The following TM2D3 variants were observed in gnomAD, a reference collection of about 807,000 sequenced individuals.
The protein encoded by TM2D3 is TM2 domain containing 3, also known as TM2 domain-containing protein 3.
A neutral mutation model predicts 27.3 loss-of-function variants in TM2D3; 33 were observed. The ratio of observed to expected loss-of-function variants is 1.21; its 90% CI spans 0.92 to 1.61. The LOEUF is 1.61. TM2D3 is among the 40% of genes most tolerant of loss of function. The probability of loss-of-function intolerance (pLI) is 0.00; values close to 1 mark genes in which losing one functional copy is unlikely to be tolerated. For missense variants in TM2D3, 364 were observed against 320.8 expected, an observed-to-expected ratio of 1.13 and a Z score of -1.03; for synonymous variants, 138 against 122.2, an observed-to-expected ratio of 1.13 and a Z score of -0.85.
chr15:101,647,560 C>G (rs1479470851), intron 3 of TM2D3, among the ~76,000 whole-genome samples: 1 of 152,212 alleles, frequency 6.6e-6, no homozygotes, highest in Non-Finnish European at 1.5e-5. Context: ...TGAGTGTTCA[C>G]TGGTGGCCAG....
At chr15:101,641,608 AAAGC>A (rs1332665601), downstream of TM2D3, among the ~76,000 whole-genome samples, 1 of 152,248 alleles carries the variant, frequency 6.6e-6, no homozygotes, top group Non-Finnish European at 1.5e-5. Context: ...AAATGTTTCA[AAAGC>A]AAGCTTGAGT....
intron 2 of TM2D3, 78 bp downstream of exon 2, chr15:101,651,618 A>C: frequency 3.6e-6 from 5 of 1,402,962 alleles, no homozygotes; most frequent in Non-Finnish European, 5.0e-6. Flanking sequence ...TCGTATACTA[A>C]AGGGAATTTT....
intron 3 of TM2D3, among the ~76,000 whole-genome samples, chr15:101,648,826 G>A (rs946672311): frequency 6.8e-6 from 1 of 147,272 alleles, no homozygotes; most frequent in African/African-American, 2.6e-5. Flanking sequence ...AATGAGCAAT[G>A]CAGCTAAAAA....
At chr15:101,651,643 G>A in intron 2 of TM2D3, 53 bp downstream of exon 2, 3 of 1,516,582 alleles carry the variant, frequency 2.0e-6, no homozygotes, top group Non-Finnish European at 9.0e-7. Flanking sequence ...AAAACAAAGA[G>A]AAACTACTAG....
chr15:101,652,372 C>T lies in TM2D3; in HGVS notation c.-11G>A. On this transcript the variant is annotated 5_prime_UTR_variant, in exon 1 of 6. Transcript: ENST00000333202. ...CACCCCTCCCGCCATCTTGCCAGCG[C>T]CTGCGCACTTCCGGGCCGGGGGGCG... is the stretch of plus-strand genomic sequence containing the variant. The T allele has an allele frequency of 6.3e-7, 1 of 1,586,856 alleles. No individual in the cohort carries two copies. Among genetic ancestry groups the T allele is most frequent in the Admixed American group, 1.7e-5 (1 of 58,036 alleles).
intron 3 of TM2D3, 88 bp downstream of exon 3, chr15:101,649,916 A>G: frequency 7.9e-7 from 1 of 1,271,100 alleles, no homozygotes; most frequent in Non-Finnish European, 1.1e-6. Flanking sequence ...ATTCTTCAGA[A>G]TTTCTTCCCA....
chr15:101,643,623 G>GAAAAAA (rs1567311253), intron 5 of TM2D3, among the ~76,000 whole-genome samples: 1 of 62,688 alleles, frequency 1.6e-5, no homozygotes, highest in Non-Finnish European at 3.2e-5. Flanking sequence ...AAAAAAAAAA[G>GAAAAAA]CAAAAAAAAA....
downstream of TM2D3, among the ~76,000 whole-genome samples, chr15:101,641,282 A>AAAACAAAACC (rs1238307063): frequency 2.0e-5 from 3 of 152,148 alleles, no homozygotes; most frequent in Non-Finnish European, 4.4e-5. Flanking sequence ...TAAACAAAAC[A>AAAACAAAACC]AAACAAAACC....
At position 101,643,601 on chromosome 15, in the gene TM2D3, A is replaced by T. The variant is rs1267833764; in HGVS notation, c.579-957T>A. On this transcript the variant is annotated intron_variant, in intron 5 of 5. Coordinates refer to ENST00000333202, the MANE Select transcript of TM2D3 (RefSeq NM_078474.3). Reference sequence around the variant, plus strand: ...TGGGTGACAGAGAGAGACTCCGTTAAAAAAAAAAAAAAAAAAAAAAAGCAA... The same window carrying T: ...TGGGTGACAGAGAGAGACTCCGTTATAAAAAAAAAAAAAAAAAAAAAGCAA... 5.0e-3 allele frequency among the ~76,000 whole-genome samples: 602 copies of T among 119,816 alleles called. 9 individuals carry two copies. Among genetic ancestry groups the T allele is most frequent in the African/African-American group, 0.017 (548 of 31,596 alleles). 78.6% of individuals were successfully genotyped at this position (119,816 alleles called of 152,430 possible).
At chr15:101,647,052 T>G (rs564082745) in intron 3 of TM2D3, among the ~76,000 whole-genome samples, 153 bp from the exon 4 acceptor site, 1 of 152,220 alleles carries the variant, frequency 6.6e-6, no homozygotes, top group African/African-American at 2.4e-5. Context: ...CAAAACAATA[T>G]GTATGTAAAA....
At chr15:101,648,374 G>A (rs1010596602) in intron 3 of TM2D3, 1 of 152,194 alleles carries the variant, frequency 6.6e-6, no homozygotes, top group Non-Finnish European at 1.5e-5. Context: ...TATGGGTAAG[G>A]CATCACTTGA....
chr15:101,646,814 C>T lies in TM2D3; in HGVS notation c.413G>A (p.Cys138Tyr). 1 of 1,614,190 alleles carries T rather than the reference C, an allele frequency of 6.2e-7. No homozygotes were observed. Among genetic ancestry groups the T allele is most frequent in the Non-Finnish European group, 8.5e-7 (1 of 1,180,028 alleles). Residue 138 changes from cysteine (C) to tyrosine (Y), a missense_variant, in exon 4 of 6, where the codon TGT becomes TAT. Coordinates refer to ENST00000333202, the MANE Select transcript of TM2D3 (RefSeq NM_078474.3). ...CWQLPETDYE[C>Y]TNSTSCMTVS... ...CGTCATGCAGCTGGTGGAGTTGGTA[C>T]ACTCGTAATCTGTTTCAGGAAGCTG...
rs377531006 is a variant in TM2D3 at position 101,649,988 on chromosome 15, A to C, written c.327+16T>G. ...TACAATGAATTTATTTAGAATAAGT[A>C]AGCTGCAGTACTTACAACACAGGTA... On this transcript the variant is annotated intron_variant, in intron 3 of 5. Coordinates refer to ENST00000333202, the MANE Select transcript of TM2D3 (RefSeq NM_078474.3). 2.5e-6 allele frequency: 4 copies of C among 1,606,488 alleles called. No homozygotes were observed. Among genetic ancestry groups the C allele is most frequent in the Non-Finnish European group, 3.4e-6 (4 of 1,177,030 alleles).
chr15:101,635,973 T>C (rs1896543140), intron 4 of TM2D3: 1 of 152,180 alleles, frequency 6.6e-6, no homozygotes, highest in Non-Finnish European at 1.5e-5. Flanking sequence ...TTCTTTTTTT[T>C]TAAGACCGCT....
chr15:101,636,395 G>C (rs900890817), intron 4 of TM2D3: 1 of 152,182 alleles, frequency 6.6e-6, no homozygotes, highest in Non-Finnish European at 1.5e-5. Flanking sequence ...AGACAAAAAG[G>C]AGAAAGTCAT....
intron 3 of TM2D3, among the ~76,000 whole-genome samples, chr15:101,649,709 G>A (rs1225618954): frequency 2.0e-5 from 3 of 152,172 alleles, no homozygotes; most frequent in Non-Finnish European, 4.4e-5. Context: ...ACTTGCTTCA[G>A]ATATGCTAGT....
downstream of TM2D3, among the ~76,000 whole-genome samples, chr15:101,639,655 T>A (rs1476703499): frequency 6.6e-6 from 1 of 152,106 alleles, no homozygotes; most frequent in Non-Finnish European, 1.5e-5. Context: ...AAGCATAAGA[T>A]CTTTGAAAAA....
At chr15:101,643,599 T>TTAAAAAAAAAAAAAAA (rs1309191747) in intron 5 of TM2D3, among the ~76,000 whole-genome samples, 1 of 47,342 alleles carries the variant, frequency 2.1e-5, no homozygotes, top group African/African-American at 7.9e-5. Flanking sequence ...GAGACTCCGT[T>TTAAAAAAAAAAAAAAA]AAAAAAAAAA....
In TM2D3 at chr15:101,650,040, A is replaced by G. The variant is rs1395198235; in HGVS notation, c.291T>C (p.Thr97=). 2 of 1,614,160 alleles carry G rather than the reference A, an allele frequency of 1.2e-6. No individual in the cohort carries two copies. Among genetic ancestry groups the G allele is most frequent in the Non-Finnish European group, 8.5e-7 (1 of 1,179,996 alleles). Residue 97 remains threonine, a synonymous_variant, in exon 3 of 6, where the codon ACT becomes ACC. Coordinates refer to ENST00000333202, the MANE Select transcript of TM2D3 (RefSeq NM_078474.3). The part of the protein sequence containing the change: ...NFSCTYGKPV[T]FDCAVKPSVT... Reference sequence around the variant, plus strand: ...CAGATGGTTTCACTGCACAGTCAAAAGTGACAGGCTTCCCATAGGTACAGG... The same window carrying G: ...CAGATGGTTTCACTGCACAGTCAAAGGTGACAGGCTTCCCATAGGTACAGG...
Sources: gnomAD v4.1 joint callset for allele counts (sites outside exome capture counted in the v4.1 genomes callset) on GRCh38, gnomAD v4.1.1 for gene constraint, MANE v1.5 for transcripts, NCBI Gene and HGNC (gene_info 2026-07-23, HGNC 2026-07-21) for gene names.